The following RFT1 variants were observed in gnomAD, a reference collection of about 807,000 sequenced individuals.
The protein encoded by RFT1 is RFT1 glycolipid translocator homolog.
RFT1 carries 43 observed loss-of-function variants against 62.2 expected under a neutral mutation model. That is an observed-to-expected ratio of 0.69 (90% confidence interval 0.54 to 0.89). The LOEUF is 0.89. RFT1 is among the 40% of genes least tolerant of loss of function. The probability of loss-of-function intolerance (pLI) is 0.00; values close to 1 mark genes in which losing one functional copy is unlikely to be tolerated. For synonymous variants in RFT1, 262 were observed against 264.6 expected, an observed-to-expected ratio of 0.99 and a Z score of 0.10; for missense variants, 605 against 649.9, an observed-to-expected ratio of 0.93 and a Z score of 0.75.
At chr3:53,129,278 A>G (rs540504110) in intron 1 of RFT1, among the ~76,000 whole-genome samples, 1 of 152,246 alleles carries the variant, frequency 6.6e-6, no homozygotes, top group Admixed American at 6.5e-5. Context: ...ACATTTATTA[A>G]GTACTTGTAG....
intron 7 of RFT1, among the ~76,000 whole-genome samples, chr3:53,110,800 G>C (rs1472443403): frequency 6.6e-6 from 1 of 151,954 alleles, no homozygotes; most frequent in Non-Finnish European, 1.5e-5. Context: ...TTCAGTAATA[G>C]GTATATGGAT....
chr3:53,126,407 G>A (rs1702112902), intron 1 of RFT1, among the ~76,000 whole-genome samples: 1 of 152,228 alleles, frequency 6.6e-6, no homozygotes. Context: ...GCAAGTGGGA[G>A]CCTTAAGGGT....
At position 53,092,396 on chromosome 3, in the gene RFT1, G is replaced by A; in HGVS notation, c.1431C>T (p.Leu477=). 3 of 1,605,132 alleles carry A rather than the reference G, an allele frequency of 1.9e-6. No homozygotes were observed. The highest frequency in any genetic ancestry group is 1.1e-5 in the South Asian group (1 of 89,152). Residue 477 remains leucine, a synonymous_variant, in exon 12 of 13, where the codon CTC becomes CTT. Transcript: ENST00000296292. ...CCGAAACAGCAGTAACCCCACCACT[G>A]AGGGCAAATGTCCCGAGCAGGACTG... ...LSPVLLGTFA[L]SGGVTAVSEV... is the part of the protein sequence containing the mutation.
At chr3:53,099,628 C>T (rs1253388917) in intron 10 of RFT1, 142 bp from the exon 11 acceptor site, 3 of 699,368 alleles carry the variant, frequency 4.3e-6, no homozygotes, top group Non-Finnish European at 7.8e-6. Flanking sequence ...ATGCTAGAGC[C>T]CAGGGTCTTA....
At chr3:53,081,892 G>C in the RFT1 span, among the ~76,000 whole-genome samples, 2 of 152,158 alleles carry the variant, frequency 1.3e-5, no homozygotes, top group South Asian at 4.1e-4. Flanking sequence ...GCCATGGAAG[G>C]TCAGGGATGG....
At chr3:53,072,036 C>T in the RFT1 span, among the ~76,000 whole-genome samples, 1 of 152,218 alleles carries the variant, frequency 6.6e-6, no homozygotes, top group African/African-American at 2.4e-5. Flanking sequence ...CATAGTTCCT[C>T]TGGCCCAGGG....
intron 10 of RFT1, among the ~76,000 whole-genome samples, chr3:53,099,817 G>A (rs193067654): frequency 2.6e-5 from 4 of 152,210 alleles, no homozygotes; most frequent in Non-Finnish European, 5.9e-5. Context: ...ATGAAACCCC[G>A]TGTCTACCAA....
chr3:53,111,191 G>T (rs1002970763), intron 7 of RFT1, among the ~76,000 whole-genome samples: 2 of 152,108 alleles, frequency 1.3e-5, no homozygotes, highest in African/African-American at 4.8e-5. Context: ...GGATCACAAG[G>T]TCAGGAGATC....
At chr3:53,104,638 G>A (rs1701414822) in intron 9 of RFT1, among the ~76,000 whole-genome samples, 1 of 152,148 alleles carries the variant, frequency 6.6e-6, no homozygotes, top group African/African-American at 2.4e-5. Flanking sequence ...GGTACTCTTA[G>A]GAAAATATTC....
intron 6 of RFT1, among the ~76,000 whole-genome samples, chr3:53,113,869 C>T (rs1701718774): frequency 6.6e-6 from 1 of 152,118 alleles, no homozygotes; most frequent in South Asian, 2.1e-4. Flanking sequence ...CACTTCTAGC[C>T]CCCATTCTCT....
At chr3:53,103,199 ATTTGACAAAGCCCT>A in intron 10 of RFT1, 1 of 985,388 alleles carries the variant, frequency 1.0e-6, no homozygotes, top group Non-Finnish European at 1.2e-6. Context: ...GTAAAATGGC[ATTTGACAAAGCCCT>A]TTATATTGAG....
chr3:53,075,224 C>A, the RFT1 span, among the ~76,000 whole-genome samples: 5 of 152,220 alleles, frequency 3.3e-5, no homozygotes, highest in African/African-American at 9.6e-5. Context: ...CACATACTTT[C>A]TTCTTCCCCA....
intron 11 of RFT1, among the ~76,000 whole-genome samples, chr3:53,098,088 A>G (rs142825993): frequency 6.6e-6 from 1 of 152,328 alleles, no homozygotes; most frequent in African/African-American, 2.4e-5. Context: ...TTGTGAACTC[A>G]TGTCTCAGTC....
At chr3:53,082,165 AC>A in the RFT1 span, among the ~76,000 whole-genome samples, 1 of 151,716 alleles carries the variant, frequency 6.6e-6, no homozygotes, top group African/African-American at 2.4e-5. Context: ...CTGGTCTCAA[AC>A]TCCTGGGCTC....
Position 53,103,953 on chromosome 3 carries a change from CG to C in RFT1, c.1101del (p.Gly368ValfsTer20), listed in dbSNP as rs1559586360. 6.2e-7 allele frequency: 1 copy of C among 1,614,170 alleles called. No individual in the cohort carries two copies. On this transcript the variant is annotated frameshift_variant and splice_region_variant, in exon 10 of 13. Transcript: ENST00000296292. LOFTEE classifies it high-confidence loss of function. Reference sequence around the variant, plus strand: ...AATCCAGAAAAACTCTTGTGCGTACCGGATCCTGAGCTAAGCATGGTCCCTC... The same window carrying C: ...AATCCAGAAAAACTCTTGTGCGTACCGATCCTGAGCTAAGCATGGTCCCTC... ...IYGGTMLSSG[S>X]GPVLLRSYCL...
At chr3:53,083,844 A>G (rs1471305076), downstream of RFT1, among the ~76,000 whole-genome samples, 1 of 152,270 alleles carries the variant, frequency 6.6e-6, no homozygotes, top group East Asian at 1.9e-4. Context: ...TCTCGTCATT[A>G]GAGAGATGCC....
chr3:53,086,419 G>A (rs946010059), downstream of RFT1, among the ~76,000 whole-genome samples: 3 of 152,096 alleles, frequency 2.0e-5, no homozygotes, highest in Non-Finnish European at 4.4e-5. Flanking sequence ...GGGTTCAAGT[G>A]ACTCTCCTGC....
chr3:53,086,726 C>T (rs1700863154), downstream of RFT1, among the ~76,000 whole-genome samples: 1 of 152,212 alleles, frequency 6.6e-6, no homozygotes, highest in Non-Finnish European at 1.5e-5. Context: ...TCCTTTCTGA[C>T]AGGCTCCACA....
chr3:53,127,155 G>A (rs1425197906), intron 1 of RFT1, among the ~76,000 whole-genome samples: 1 of 152,214 alleles, frequency 6.6e-6, no homozygotes, highest in African/African-American at 2.4e-5. Context: ...GGTGGCTCAT[G>A]CCTGTAATCC....
Sources: allele counts gnomAD v4.1 joint callset (sites outside exome capture counted in the v4.1 genomes callset), GRCh38; gene constraint gnomAD v4.1.1; transcripts MANE v1.5; gene names NCBI Gene and HGNC (gene_info 2026-07-23, HGNC 2026-07-21).